The following GPSM1 variants were observed in gnomAD, a reference collection of about 807,000 sequenced individuals.
GPSM1 encodes G protein signaling modulator 1.
Under a neutral mutation model 70.5 loss-of-function variants are expected in GPSM1, and 48 were observed. That is an observed-to-expected ratio of 0.68 (90% CI 0.54 to 0.87). The LOEUF (loss-of-function observed/expected upper bound fraction) is 0.87. GPSM1 is among the 40% of genes least tolerant of loss of function. The pLI, the probability that GPSM1 is intolerant of heterozygous loss-of-function variation, is 0.00. For synonymous variants in GPSM1, 416 were observed against 430.1 expected (o/e 0.97, Z 0.41); for missense variants, 981 against 972.6 (o/e 1.01, Z -0.11).
chr9:136,331,149 G>C (rs1832088851), intron 1 of GPSM1, among the ~76,000 whole-genome samples: 1 of 152,202 alleles, frequency 6.6e-6, no homozygotes, highest in Non-Finnish European at 1.5e-5. Flanking sequence ...CAGCTGAGAA[G>C]GACGCCGGGG....
chr9:136,355,045 G>A, intron 11 of GPSM1: 1 of 952,412 alleles, frequency 1.0e-6, no homozygotes, highest in Non-Finnish European at 1.3e-6. Context: ...TCCTGGGGGA[G>A]GGGTAGCCGG....
At chr9:136,346,734 G>T (rs893636145) in intron 9 of GPSM1, among the ~76,000 whole-genome samples, 1 of 152,196 alleles carries the variant, frequency 6.6e-6, no homozygotes, top group Admixed American at 6.5e-5. Context: ...CTCATGGTCG[G>T]GGCCAGGCTC....
At position 136,343,594 on chromosome 9, in the gene GPSM1, G is replaced by A. The variant is rs1439055672; in HGVS notation, c.1207+2601G>A. The stretch of plus-strand genomic sequence containing the variant: ...CGAGTGGCCTTGGGGTCAGGGATGT[G>A]CATGGCATAACCTCCCCTGCAGTTT... On this transcript the variant is annotated intron_variant, in intron 9 of 13. Transcript: ENST00000440944. This position sits in a 1 kb window ranked among gnomAD's most constrained non-coding sequence, Gnocchi z 6.0. 6.6e-6 allele frequency among the ~76,000 whole-genome samples: 1 copy of A among 152,226 alleles called. No individual in the cohort carries two copies. Among genetic ancestry groups the A allele is most frequent in the African/African-American group, 2.4e-5 (1 of 41,458 alleles).
intron 1 of GPSM1, 91 bp from the exon 2 acceptor site, chr9:136,334,356 G>A: frequency 1.3e-5 from 11 of 849,018 alleles, no homozygotes; most frequent in South Asian, 7.8e-5. Flanking sequence ...AGCCCACCCA[G>A]GGGCGTCGTC....
rs782543348 is a variant in GPSM1, at chr9:136,338,664, G to C, written c.928G>C (p.Glu310Gln). 1.9e-6 allele frequency: 3 copies of C among 1,581,836 alleles called. No homozygotes were observed. Among genetic ancestry groups the C allele is most frequent in the African/African-American group, 1.3e-5 (1 of 74,518 alleles). The change falls in exon 7 of 14, where the codon GAG becomes CAG. Residue 310 changes from glutamate to glutamine, a missense_variant. By Grantham distance (29) the Glu-to-Gln change is conservative. Transcript: ENST00000440944. ...TLLQDYERAA[E>Q]YHLRHLLIAQ... Reference sequence around the variant, plus strand: ...GCTGCAGGACTACGAGCGCGCGGCCGAGTACCACCTGCGGCACCTGCTCAT... The same window carrying C: ...GCTGCAGGACTACGAGCGCGCGGCCCAGTACCACCTGCGGCACCTGCTCAT...
At chr9:136,350,867 G>C (rs1425885674) in intron 11 of GPSM1, among the ~76,000 whole-genome samples, 2 of 152,168 alleles carry the variant, frequency 1.3e-5, no homozygotes, top group African/African-American at 4.8e-5. Flanking sequence ...TGGACGGACG[G>C]GGGACAGACA....
chr9:136,355,116 C>T (rs1482952017), intron 11 of GPSM1: 1 of 78,194 alleles, frequency 1.3e-5, no homozygotes, highest in Non-Finnish European at 1.5e-5. Context: ...GGTGGTGACA[C>T]GTCCTGGGGT....
Position 136,341,285 on chromosome 9 carries a change from G to A in GPSM1, c.1207+292G>A. ...AGGGCCTCCACCCCCACCTCCCCCTGGAGCCCTCGGTGCAGGGAGGGCTTC... is the reference window on the plus strand; with the variant it reads ...AGGGCCTCCACCCCCACCTCCCCCTAGAGCCCTCGGTGCAGGGAGGGCTTC... On this transcript the variant is annotated intron_variant, in intron 9 of 13. Transcript: ENST00000440944. The surrounding 1 kb of genome is among the most constrained non-coding windows in gnomAD (Gnocchi z 6.7). 1 of 1,468,378 alleles carries A rather than the reference G, an allele frequency of 6.8e-7. No individual in the cohort carries two copies. The highest frequency in any genetic ancestry group is 9.0e-7 in the Non-Finnish European group (1 of 1,109,644). The allele number at this position is 1,468,378 out of a possible 1,614,324, so 91.0% of individuals were successfully genotyped here.
intron 1 of GPSM1, among the ~76,000 whole-genome samples, chr9:136,330,001 G>T (rs1265388245): frequency 1.3e-5 from 2 of 151,724 alleles, no homozygotes; most frequent in African/African-American, 4.9e-5. Context: ...TGCTGGGTCG[G>T]TGGGGACAGG....
At chr9:136,346,282 C>T (rs957745937) in intron 9 of GPSM1, among the ~76,000 whole-genome samples, 5 of 152,226 alleles carry the variant, frequency 3.3e-5, no homozygotes, top group African/African-American at 1.2e-4. Flanking sequence ...AGGCATTCGC[C>T]GTGGGCTGGT....
intron 2 of GPSM1, 75 bp downstream of exon 2, chr9:136,334,743 G>GC: frequency 1.6e-6 from 2 of 1,216,132 alleles, no homozygotes; most frequent in Non-Finnish European, 2.3e-6. Flanking sequence ...GGCCCTGCTG[G>GC]TGGGTGAGTG....
At position 136,336,049 on chromosome 9, in the gene GPSM1, C is replaced by A; in HGVS notation, c.374C>A (p.Ala125Asp). 6.2e-7 allele frequency: 1 copy of A among 1,612,196 alleles called. No homozygotes were observed. ...TLKVLGRFDE[A>D]AVCCQRHLSI... ...AAGGTCCTGGGGCGCTTCGACGAGG[C>A]TGCCGTCTGCTGCCAGCGGCATCTG... The change falls in exon 3 of 14, where the codon GCT becomes GAT. Residue 125 changes from alanine (A) to aspartate (D), a missense_variant. Ala to Asp is a moderately radical substitution (Grantham distance 126). Transcript: ENST00000440944.
chr9:136,337,745 G>A, intron 5 of GPSM1, 101 bp from the exon 6 acceptor site: 1 of 1,063,244 alleles, frequency 9.4e-7, no homozygotes. Context: ...CGGACACACA[G>A]ATCTCTGGCC....
chr9:136,328,975 G>T (rs901038137), intron 1 of GPSM1, among the ~76,000 whole-genome samples: 2 of 145,134 alleles, frequency 1.4e-5, no homozygotes, highest in Admixed American at 6.7e-5. Context: ...TTGAGTGTGA[G>T]TGTGTGGAGC....
chr9:136,337,434 C>A lies in GPSM1; in HGVS notation c.579-7C>A. ...AGGGACACGGCTCAGAGGCACTCGG[C>A]CCCCAGGAGGAACCTGTCCCTGGTG... On this transcript the variant is annotated splice_region_variant and splice_polypyrimidine_tract_variant and intron_variant, in intron 4 of 13. Transcript: ENST00000440944. 1.9e-6 allele frequency: 3 copies of A among 1,568,604 alleles called. No individual in the cohort carries two copies. The highest frequency in any genetic ancestry group is 2.6e-6 in the Non-Finnish European group (3 of 1,156,948).
At position 136,337,017 on chromosome 9, in the gene GPSM1, G is replaced by A. The variant is rs782583822; in HGVS notation, c.523G>A (p.Gly175Arg). 2.0e-5 allele frequency: 31 copies of A among 1,552,256 alleles called. No homozygotes were observed. The Admixed American group carries it at 2.1e-4, about 11-fold the overall frequency. Residue 175 changes from glycine (G) to arginine (R), a missense_variant, in exon 4 of 14, where the codon GGG becomes AGG. By Grantham distance (125) the Gly-to-Arg change is moderately radical (BLOSUM62 -2). Coordinates refer to ENST00000440944, the MANE Select transcript of GPSM1 (RefSeq NM_001145638.3). Reference protein sequence around the residue: ...WNAANATQDPGHLPPDVRETL... With the variant: ...WNAANATQDPRHLPPDVRETL... The stretch of plus-strand genomic sequence containing the variant: ...CGCCGCAAACGCCACGCAGGACCCC[G>A]GGCACCTGCCGCCCGATGTCCGAGA...
At position 136,349,555 on chromosome 9, in the gene GPSM1, C is replaced by T. The variant is rs1328683165; in HGVS notation, c.1279-32C>T. 9.8e-6 allele frequency: 15 copies of T among 1,537,150 alleles called. No homozygotes were observed. The Admixed American group carries it at 3.0e-4, about 31-fold the overall frequency. Reference sequence around the variant, plus strand: ...GGATGGGGACATTGGTTCACAATTGCCCAGGCCACGCACAGCCTTACCCCT... The same window carrying T: ...GGATGGGGACATTGGTTCACAATTGTCCAGGCCACGCACAGCCTTACCCCT... On this transcript the variant is annotated intron_variant, in intron 10 of 13. Transcript: ENST00000440944.
intron 9 of GPSM1, among the ~76,000 whole-genome samples, chr9:136,345,132 C>T (rs28641468): frequency 0.21 from 32,269 of 152,130 alleles, 3,769 homozygotes; most frequent in Admixed American, 0.25. Context: ...GCCAAGCCGG[C>T]GGGGCGGGTG....
intron 11 of GPSM1, 27 bp downstream of exon 11, chr9:136,349,790 G>T: frequency 6.5e-7 from 1 of 1,541,284 alleles, no homozygotes; most frequent in Admixed American, 2.0e-5. Context: ...GCAGATCCAG[G>T]CCGAGAGGGA....
Sources: allele counts gnomAD v4.1 joint callset (sites outside exome capture counted in the v4.1 genomes callset), GRCh38; gene constraint gnomAD v4.1.1; non-coding constraint Gnocchi (gnomAD v3.1); transcripts MANE v1.5; gene names NCBI Gene and HGNC (gene_info 2026-07-23, HGNC 2026-07-21).